The following HDAC9 variants were observed in gnomAD, a reference collection of about 807,000 sequenced individuals.
HDAC9 encodes the protein MEF-2 interacting transcription repressor (MITR) protein.
A neutral mutation model predicts 139.4 loss-of-function variants in HDAC9; 41 were observed. That is an observed-to-expected ratio of 0.29 (90% CI 0.23 to 0.38). The LOEUF (loss-of-function observed/expected upper bound fraction) is 0.38, where lower values mean the gene tolerates loss of function less well. HDAC9 is among the 10% of genes least tolerant of loss of function. The probability of loss-of-function intolerance (pLI) is 1.00; values close to 1 mark genes in which losing one functional copy is unlikely to be tolerated. For missense variants in HDAC9, 1,147 were observed against 1,297.0 expected (o/e 0.88, Z 1.78); for synonymous variants, 517 against 476.2 (o/e 1.09, Z -1.12).
intron 13 of HDAC9, among the ~76,000 whole-genome samples, chr7:18,732,165 T>C (rs1786116574): frequency 6.6e-6 from 1 of 152,152 alleles, no homozygotes; most frequent in African/African-American, 2.4e-5. Context: ...GGGCCTGAGA[T>C]AACTGTTATA....
intron 12 of HDAC9, among the ~76,000 whole-genome samples, chr7:18,694,666 T>G (rs1782909098): frequency 6.6e-6 from 1 of 152,106 alleles, no homozygotes; most frequent in Non-Finnish European, 1.5e-5. Context: ...GGAGCAGGAC[T>G]CTTCTGGGTG....
At chr7:18,403,559 A>T (rs778405832) in intron 1 of HDAC9, among the ~76,000 whole-genome samples, 1 of 152,192 alleles carries the variant, frequency 6.6e-6, no homozygotes, top group Non-Finnish European at 1.5e-5. Flanking sequence ...TAATTTCTCC[A>T]TGTATATTTG....
intron 8 of HDAC9, among the ~76,000 whole-genome samples, chr7:18,640,724 A>G (rs1413310010): frequency 6.6e-6 from 1 of 152,034 alleles, no homozygotes; most frequent in Non-Finnish European, 1.5e-5. Context: ...TCTTGCTTTT[A>G]TCACTAAGCC....
At chr7:18,472,080 C>T (rs925753904) in intron 1 of HDAC9, among the ~76,000 whole-genome samples, 3 of 152,182 alleles carry the variant, frequency 2.0e-5, no homozygotes, top group Non-Finnish European at 4.4e-5. Flanking sequence ...TACAGACTTC[C>T]TCTAAACCTG....
At chr7:18,523,293 C>T (rs1805675540) in intron 2 of HDAC9, among the ~76,000 whole-genome samples, 1 of 152,130 alleles carries the variant, frequency 6.6e-6, no homozygotes, top group African/African-American at 2.4e-5. Flanking sequence ...ATGGGACACT[C>T]CTTAAAATGG....
At chr7:18,260,649 T>C (rs967842823) in intron 2 of HDAC9, 1 of 154,166 alleles carries the variant, frequency 6.5e-6, no homozygotes, top group Non-Finnish European at 1.5e-5. Context: ...TTATTTCCTT[T>C]AGTCAGTACA....
chr7:18,854,887 C>A lies in HDAC9; in HGVS notation c.2684+18890C>A, dbSNP rs556037318. ...ATTAATGGTCTATATATTTTGACAGCGTACTTAAACCCCCAAGGTAGGCAA... is the reference window on the plus strand; with the variant it reads ...ATTAATGGTCTATATATTTTGACAGAGTACTTAAACCCCCAAGGTAGGCAA... On this transcript the variant is annotated intron_variant, in intron 21 of 25. Transcript: ENST00000686413. Among the ~76,000 whole-genome samples, 7 of 152,158 alleles carry A rather than the reference C, an allele frequency of 4.6e-5. No homozygotes were observed. The South Asian group carries it at 8.3e-4, about 18-fold the overall frequency.
intron 19 of HDAC9, among the ~76,000 whole-genome samples, chr7:18,832,344 A>G (rs1562971950): frequency 6.6e-6 from 1 of 152,242 alleles, no homozygotes; most frequent in Non-Finnish European, 1.5e-5. Flanking sequence ...ACAAGTCCCT[A>G]TACTGAGTAA....
intron 2 of HDAC9, among the ~76,000 whole-genome samples, chr7:18,516,285 G>A (rs1301451065): frequency 6.6e-6 from 1 of 152,154 alleles, no homozygotes; most frequent in Non-Finnish European, 1.5e-5. Flanking sequence ...CCTTTAAGAA[G>A]GATTTCCTCT....
chr7:18,853,778 T>C (rs966207931), intron 21 of HDAC9, among the ~76,000 whole-genome samples: 1 of 152,226 alleles, frequency 6.6e-6, no homozygotes, highest in Admixed American at 6.5e-5. Context: ...CTTTACAACA[T>C]GATTATATAA....
intron 22 of HDAC9, among the ~76,000 whole-genome samples, chr7:18,926,370 C>T (rs886799166): frequency 6.6e-6 from 1 of 152,040 alleles, no homozygotes; most frequent in Non-Finnish European, 1.5e-5. Flanking sequence ...AAATACTGAG[C>T]ATCTGCCATA....
At chr7:18,958,675 G>C (rs1585408938) in intron 24 of HDAC9, among the ~76,000 whole-genome samples, 1 of 152,126 alleles carries the variant, frequency 6.6e-6, no homozygotes, top group Non-Finnish European at 1.5e-5. Flanking sequence ...CTGCAAATGT[G>C]TGTTGAATGA....
chr7:18,847,767 A>G (rs539051320), intron 21 of HDAC9, among the ~76,000 whole-genome samples: 3 of 152,312 alleles, frequency 2.0e-5, no homozygotes, highest in South Asian at 4.1e-4. Flanking sequence ...CTTTGGTCCA[A>G]CTGGTAAAAT....
chr7:18,578,196 A>G (rs1219286308), intron 2 of HDAC9: 1 of 518,812 alleles, frequency 1.9e-6, no homozygotes, highest in African/African-American at 1.9e-5. Context: ...CTGAGGGAAA[A>G]TGTTTGGGCT....
chr7:18,596,977 C>G (rs1220765161), intron 6 of HDAC9, among the ~76,000 whole-genome samples: 1 of 152,014 alleles, frequency 6.6e-6, no homozygotes, highest in Non-Finnish European at 1.5e-5. Flanking sequence ...CAATTTGAAA[C>G]CTCTCTTGAC....
chr7:18,736,659 C>T (rs1294824052), intron 13 of HDAC9, among the ~76,000 whole-genome samples: 1 of 152,218 alleles, frequency 6.6e-6, no homozygotes, highest in Admixed American at 6.5e-5. Flanking sequence ...AGGATATTCA[C>T]ATTGATGTTC....
chr7:18,556,030 T>C (rs1450829884), intron 2 of HDAC9, among the ~76,000 whole-genome samples: 1 of 152,046 alleles, frequency 6.6e-6, no homozygotes, highest in Non-Finnish European at 1.5e-5. Flanking sequence ...TATTTTTCTT[T>C]AGTAAATATA....
chr7:18,145,948 C>A (rs182759375), intron 1 of HDAC9, among the ~76,000 whole-genome samples: 1 of 151,884 alleles, frequency 6.6e-6, no homozygotes, highest in African/African-American at 2.4e-5. Context: ...CAAAAGAGGT[C>A]AATGGAACAA....
chr7:18,770,276 C>G (rs1480744530), intron 16 of HDAC9, among the ~76,000 whole-genome samples: 4 of 152,188 alleles, frequency 2.6e-5, no homozygotes, highest in African/African-American at 9.6e-5. Flanking sequence ...TGACTCATTT[C>G]TGATTCCTGT....
Sources: allele counts gnomAD v4.1 joint callset (sites outside exome capture counted in the v4.1 genomes callset), GRCh38; gene constraint gnomAD v4.1.1; transcripts MANE v1.5; gene names NCBI Gene and HGNC (gene_info 2026-07-23, HGNC 2026-07-21).